NEBL: variants seen among roughly 807,000 people sequenced by gnomAD.
The protein encoded by NEBL is nebulette, also known as LIM and SH3 protein 2.
NEBL carries 122 observed loss-of-function variants against 140.2 expected under a neutral mutation model. The ratio of observed to expected loss-of-function variants is 0.87; its 90% CI spans 0.75 to 1.01. NEBL has a LOEUF of 1.01. Ranked by LOEUF, NEBL falls within the 50% of genes least tolerant of loss-of-function variation. NEBL has a pLI of 0.00. For missense variants in NEBL, 1,365 were observed against 1,231.3 expected (o/e 1.11, Z -1.62); for synonymous variants, 436 against 398.9 (o/e 1.09, Z -1.11).
chr10:21,057,721 T>A (rs763442620), intron 2 of NEBL, among the ~76,000 whole-genome samples: 11 of 151,822 alleles, frequency 7.2e-5, no homozygotes, highest in Non-Finnish European at 1.6e-4. Flanking sequence ...AGCTTATTTT[T>A]GTATTTTTTG....
In NEBL at chr10:21,060,737, A is replaced by G. The variant is rs545312124; in HGVS notation, c.165-40536T>C. Among the ~76,000 whole-genome samples, 6 of 151,546 alleles carry G rather than the reference A, an allele frequency of 4.0e-5. 1 individual carries two copies. The highest frequency in any genetic ancestry group is 3.9e-4 in the East Asian group (2 of 5,142). The stretch of plus-strand genomic sequence containing the variant: ...TGTTTCCATTCTCTCTTCCATTTCA[A>G]TCTAATTCTCATCCTTACCCCTAAG... On this transcript the variant is annotated intron_variant, in intron 2 of 6. Coordinates refer to the NEBL transcript ENST00000417816.
chr10:21,176,565 C>G (rs2132199412), upstream of NEBL, among the ~76,000 whole-genome samples: 1 of 152,172 alleles, frequency 6.6e-6, no homozygotes, highest in East Asian at 1.9e-4. Flanking sequence ...TTTTCAAATT[C>G]AAAGTACTAT....
intron 9 of NEBL, among the ~76,000 whole-genome samples, chr10:20,853,107 C>G (rs755235586): frequency 1.3e-5 from 2 of 152,010 alleles, no homozygotes; most frequent in Non-Finnish European, 2.9e-5. Context: ...TAAAAAAGTC[C>G]TATACAAAAA....
At chr10:21,157,798 T>C (rs189496604) in intron 2 of NEBL, among the ~76,000 whole-genome samples, 1 of 152,190 alleles carries the variant, frequency 6.6e-6, no homozygotes, top group Admixed American at 6.5e-5. Flanking sequence ...GGAGATAGGG[T>C]CTTTGCTGAG....
chr10:20,852,517 G>A, intron 10 of NEBL, 28 bp downstream of exon 10: 1 of 1,521,974 alleles, frequency 6.6e-7, no homozygotes, highest in South Asian at 1.1e-5. Flanking sequence ...TGGCAGGGAG[G>A]GTAGGTACCG....
At chr10:20,826,240 T>C (rs561332214) in intron 18 of NEBL, among the ~76,000 whole-genome samples, 16 of 152,248 alleles carry the variant, frequency 1.1e-4, no homozygotes, top group Non-Finnish European at 1.8e-4. Flanking sequence ...TTGTGATATA[T>C]CAAAATGAAA....
chr10:21,026,036 T>C (rs1424711954), intron 2 of NEBL, among the ~76,000 whole-genome samples: 3 of 152,202 alleles, frequency 2.0e-5, no homozygotes, highest in Non-Finnish European at 4.4e-5. Flanking sequence ...GAATAAAATA[T>C]TCCTGGTTCT....
chr10:20,899,427 T>C (rs1351060729), upstream of NEBL: 5 of 1,303,710 alleles, frequency 3.8e-6, no homozygotes, highest in African/African-American at 3.0e-5. Context: ...TCACGTAATA[T>C]GTTCTTAGGG....
chr10:21,124,256 T>C (rs1838712667), intron 2 of NEBL, among the ~76,000 whole-genome samples: 1 of 152,224 alleles, frequency 6.6e-6, no homozygotes, highest in Non-Finnish European at 1.5e-5. Context: ...GTTACTAATA[T>C]TGTATTACTG....
At chr10:20,893,789 G>A (rs1338807855) in intron 2 of NEBL, among the ~76,000 whole-genome samples, 1 of 152,192 alleles carries the variant, frequency 6.6e-6, no homozygotes, top group Non-Finnish European at 1.5e-5. Context: ...CAAGAGGGCA[G>A]AAAACTACAG....
At chr10:20,961,864 T>G (rs1836067470) in intron 3 of NEBL, 1 of 971,702 alleles carries the variant, frequency 1.0e-6, no homozygotes, top group African/African-American at 1.6e-5. Context: ...CTGCTGGAAT[T>G]GGAAACAATG....
intron 2 of NEBL, among the ~76,000 whole-genome samples, chr10:21,115,151 T>C (rs1395356699): frequency 6.6e-6 from 1 of 151,988 alleles, no homozygotes; most frequent in Non-Finnish European, 1.5e-5. Flanking sequence ...TATACCACTT[T>C]ATATATATTA....
rs114259521 is a variant in NEBL at position 21,072,667 on chromosome 10, T to C, written c.165-52466A>G. On this transcript the variant is annotated intron_variant, in intron 2 of 6. Transcript: ENST00000417816. The stretch of plus-strand genomic sequence containing the variant: ...CAGCTCAGGGCTCAGTTGTTGGTCA[T>C]CTCTATTCAAGTGACAGACTCAGTG... Among the ~76,000 whole-genome samples the C allele has an allele frequency of 5.4e-3, 815 of 152,258 alleles. 6 individuals carry two copies. Among genetic ancestry groups the C allele is most frequent in the African/African-American group, 0.018 (758 of 41,560 alleles).
In NEBL at chr10:20,939,949, C is replaced by A. The variant is rs191306893; in HGVS notation, c.357+21723G>T. 3.2e-4 allele frequency among the ~76,000 whole-genome samples: 49 copies of A among 151,938 alleles called. No individual in the cohort carries two copies. In the East Asian group the frequency reaches 8.9e-3, roughly 28 times the overall value. ...GATTCATAAAGCAAGTCCTTAGAGA[C>A]CCAGAAAGAGAATTAGACTCCCACA... On this transcript the variant is annotated intron_variant, in intron 4 of 6. Coordinates refer to the NEBL transcript ENST00000417816.
intron 9 of NEBL, among the ~76,000 whole-genome samples, chr10:20,856,991 G>A (rs1465443351): frequency 6.6e-6 from 1 of 151,994 alleles, no homozygotes; most frequent in African/African-American, 2.4e-5. Flanking sequence ...ACCACGCCTA[G>A]CTAATTTTTG....
chr10:21,186,884 CT>C (rs1564539318), intron 3 of NEBL, among the ~76,000 whole-genome samples: 1 of 151,778 alleles, frequency 6.6e-6, no homozygotes, highest in Non-Finnish European at 1.5e-5. Context: ...AAAAAAAAGC[CT>C]GTACATGTTC....
At chr10:21,028,861 T>C in intron 2 of NEBL, 1 of 324,264 alleles carries the variant, frequency 3.1e-6, no homozygotes, top group East Asian at 5.8e-5. Flanking sequence ...AATTCAATAA[T>C]CATAAAAATG....
At chr10:20,840,379 T>A (rs191940412) in intron 13 of NEBL, among the ~76,000 whole-genome samples, 17 of 152,192 alleles carry the variant, frequency 1.1e-4, no homozygotes, top group Non-Finnish European at 1.9e-4. Flanking sequence ...GGAGAGTCAG[T>A]TGGGTTATGA....
chr10:20,982,157 C>T (rs11012453), intron 3 of NEBL, among the ~76,000 whole-genome samples: 5,446 of 152,178 alleles, frequency 0.036, 320 homozygotes, highest in African/African-American at 0.12. Flanking sequence ...TCCTAAACAG[C>T]GGGTACTCAA....
Sources: allele counts gnomAD v4.1 joint callset (sites outside exome capture counted in the v4.1 genomes callset), GRCh38; gene constraint gnomAD v4.1.1; transcripts MANE v1.5; gene names NCBI Gene and HGNC (gene_info 2026-07-23, HGNC 2026-07-21).